Variants in ATAD2B observed in about 807,000 individuals in gnomAD.
ATAD2B encodes ATPase family AAA domain-containing protein 2B.
ATAD2B carries 40 observed loss-of-function variants against 167.6 expected under a neutral mutation model. That is an observed-to-expected ratio of 0.24 (90% CI 0.19 to 0.31). ATAD2B has a LOEUF of 0.31. Ranked by LOEUF, ATAD2B falls within the 10% of genes least tolerant of loss-of-function variation. The pLI is 1.00. For synonymous variants in ATAD2B, 579 were observed against 596.5 expected, an observed-to-expected ratio of 0.97 and a Z score of 0.43; for missense variants, 1,242 against 1,757.2, an observed-to-expected ratio of 0.71 and a Z score of 5.24.
chr2:23,926,452 G>T, intron 1 of ATAD2B, 103 bp downstream of exon 1: 2 of 1,436,020 alleles, frequency 1.4e-6, no homozygotes, highest in East Asian at 5.2e-5. Flanking sequence ...AGCCGCCCGA[G>T]CGGTCTCCAC....
intron 1 of ATAD2B, 75 bp downstream of exon 1, chr2:23,926,480 C>A: frequency 2.7e-6 from 4 of 1,499,480 alleles, no homozygotes; most frequent in Non-Finnish European, 3.5e-6. Flanking sequence ...TTCCTACCCC[C>A]AACCCGGCCA....
At chr2:23,915,823 C>T (rs1382526847) in intron 1 of ATAD2B, among the ~76,000 whole-genome samples, 2 of 151,860 alleles carry the variant, frequency 1.3e-5, no homozygotes, top group African/African-American at 4.8e-5. Flanking sequence ...GAACTCCTGA[C>T]CTCATGATCC....
At chr2:23,836,252 T>C (rs1055689743) in intron 13 of ATAD2B, among the ~76,000 whole-genome samples, 2 of 152,202 alleles carry the variant, frequency 1.3e-5, no homozygotes, top group Non-Finnish European at 2.9e-5. Flanking sequence ...TTGGCACAGG[T>C]GCTGGCTCTC....
intron 14 of ATAD2B, among the ~76,000 whole-genome samples, chr2:23,830,073 T>C (rs1688812967): frequency 1.3e-5 from 2 of 152,172 alleles, no homozygotes; most frequent in South Asian, 4.1e-4. Context: ...AACCTCAGCC[T>C]CCTAGGTTTA....
chr2:23,872,317 T>C, intron 8 of ATAD2B: 1 of 559,994 alleles, frequency 1.8e-6, no homozygotes, highest in South Asian at 1.5e-5. Context: ...CCCCAGGAAC[T>C]GCATGCACCT....
At chr2:23,688,114 C>T in the ATAD2B span, among the ~76,000 whole-genome samples, 1 of 152,118 alleles carries the variant, frequency 6.6e-6, no homozygotes, top group South Asian at 2.1e-4. Context: ...AGCCAGATAA[C>T]GAGACTCCCA....
the ATAD2B span, among the ~76,000 whole-genome samples, chr2:23,693,868 C>A: frequency 1.3e-5 from 2 of 152,162 alleles, no homozygotes; most frequent in African/African-American, 4.8e-5. Context: ...GATGGACAGC[C>A]CGCAATGGAC....
At chr2:23,845,745 A>T (rs1036839516) in intron 13 of ATAD2B, among the ~76,000 whole-genome samples, 46 of 151,002 alleles carry the variant, frequency 3.0e-4, no homozygotes, top group African/African-American at 6.1e-4. Context: ...ACACCCAGCT[A>T]ATTTTTGTAG....
chr2:23,798,391 C>A (rs1466532257), intron 18 of ATAD2B, 68 bp from the exon 19 acceptor site: 2 of 1,244,256 alleles, frequency 1.6e-6, no homozygotes, highest in Non-Finnish European at 2.2e-6. Context: ...CCAGTAATCT[C>A]CAAATACATG....
In ATAD2B at chr2:23,774,104, T is replaced by C. The variant is rs114003063; in HGVS notation, c.3134-8476A>G. Among the ~76,000 whole-genome samples the C allele has an allele frequency of 8.1e-3, 1,239 of 152,326 alleles. 10 individuals carry two copies. Among genetic ancestry groups the C allele is most frequent in the Non-Finnish European group, 0.013 (896 of 68,026 alleles). ...TCAACAAAATTATTAAGAGTAACCA[T>C]ATTTTTAAGAAAAGCTCATTTTTAT... On this transcript the variant is annotated intron_variant, in intron 22 of 27. Coordinates refer to ENST00000238789, the MANE Select transcript of ATAD2B (RefSeq NM_017552.4).
chr2:23,776,486 G>C (rs1558515630), intron 22 of ATAD2B, among the ~76,000 whole-genome samples: 1 of 152,210 alleles, frequency 6.6e-6, no homozygotes, highest in Admixed American at 6.5e-5. Context: ...TTTATACACA[G>C]AGAATATTTA....
chr2:23,864,396 C>T (rs1009078683), intron 11 of ATAD2B, among the ~76,000 whole-genome samples: 2 of 152,182 alleles, frequency 1.3e-5, no homozygotes, highest in Non-Finnish European at 2.9e-5. Context: ...CAGGCACAAT[C>T]TGTTCCTACA....
At chr2:23,810,078 C>T (rs1685311836) in intron 18 of ATAD2B, among the ~76,000 whole-genome samples, 1 of 152,206 alleles carries the variant, frequency 6.6e-6, no homozygotes, top group Non-Finnish European at 1.5e-5. Context: ...CATAATGACA[C>T]AGGGTATTAA....
At chr2:23,767,143 C>T (rs1443151366) in intron 22 of ATAD2B, among the ~76,000 whole-genome samples, 5 of 151,924 alleles carry the variant, frequency 3.3e-5, no homozygotes, top group Non-Finnish European at 7.4e-5. Flanking sequence ...CTGCTCTACC[C>T]TGACTCATTC....
chr2:23,769,861 T>C (rs138562232), intron 22 of ATAD2B, among the ~76,000 whole-genome samples: 3,660 of 151,560 alleles, frequency 0.024, 56 homozygotes, highest in Non-Finnish European at 0.035. Context: ...TTTTTGTATA[T>C]TTAGTAGAGA....
At chr2:23,804,419 G>A (rs1684002110) in intron 18 of ATAD2B, among the ~76,000 whole-genome samples, 1 of 152,106 alleles carries the variant, frequency 6.6e-6, no homozygotes, top group East Asian at 1.9e-4. Flanking sequence ...TCACTCTAGA[G>A]TAAGCTCGAC....
intron 7 of ATAD2B, among the ~76,000 whole-genome samples, chr2:23,878,171 G>A (rs969223161): frequency 6.6e-6 from 1 of 151,862 alleles, no homozygotes; most frequent in Admixed American, 6.6e-5. Context: ...GATCAGCCTG[G>A]CCAACATGCT....
chr2:23,820,007 C>T, intron 16 of ATAD2B, 125 bp from the exon 17 acceptor site: 1 of 596,564 alleles, frequency 1.7e-6, no homozygotes, highest in South Asian at 2.8e-5. Flanking sequence ...TCAAATAATA[C>T]AGGCAAACTG....
At chr2:23,914,750 G>C (rs1307533547) in intron 1 of ATAD2B, among the ~76,000 whole-genome samples, 2 of 151,778 alleles carry the variant, frequency 1.3e-5, no homozygotes, top group Non-Finnish European at 2.9e-5. Context: ...GCTGAGGCAG[G>C]AGAATGGCGT....
Sources: allele counts gnomAD v4.1 joint callset (sites outside exome capture counted in the v4.1 genomes callset), GRCh38; gene constraint gnomAD v4.1.1; transcripts MANE v1.5; gene names NCBI Gene and HGNC (gene_info 2026-07-23, HGNC 2026-07-21).